Variants in IL2RA observed in about 807,000 individuals in gnomAD.
The protein encoded by IL2RA is interleukin-2 receptor subunit alpha.
A neutral mutation model predicts 37.8 loss-of-function variants in IL2RA; 24 were observed. The ratio of observed to expected loss-of-function variants is 0.63; its 90% CI spans 0.46 to 0.89. The LOEUF is 0.89. Ranked by LOEUF, IL2RA falls within the 40% of genes least tolerant of loss-of-function variation. The probability of loss-of-function intolerance (pLI) is 0.00; values close to 1 mark genes in which losing one functional copy is unlikely to be tolerated. For synonymous variants in IL2RA, 125 were observed against 114.6 expected, an observed-to-expected ratio of 1.09 and a Z score of -0.58; for missense variants, 319 against 348.6, an observed-to-expected ratio of 0.92 and a Z score of 0.68.
intron 1 of IL2RA, among the ~76,000 whole-genome samples, chr10:6,050,617 C>T (rs1839936726): frequency 6.6e-6 from 1 of 152,166 alleles, no homozygotes; most frequent in Non-Finnish European, 1.5e-5. Flanking sequence ...GCACTCCAGT[C>T]TGGGCAACAG....
Position 6,019,512 on chromosome 10 carries a change from G to C in IL2RA, c.656-13C>G. ...TGTATTTGAAAATCTGTGAAAAAGAGATAAAGAGAGACACTCCTGCTACCG... is the reference window on the plus strand; with the variant it reads ...TGTATTTGAAAATCTGTGAAAAAGACATAAAGAGAGACACTCCTGCTACCG... On this transcript the variant is annotated splice_polypyrimidine_tract_variant and intron_variant, in intron 5 of 7. Coordinates refer to ENST00000379959, the MANE Select transcript of IL2RA (RefSeq NM_000417.3). 1 of 1,592,634 alleles carries C rather than the reference G, an allele frequency of 6.3e-7. No homozygotes were observed. The highest frequency in any genetic ancestry group is 8.6e-7 in the Non-Finnish European group (1 of 1,160,378).
rs951838106 is a variant in IL2RA, at chr10:6,014,125, C to T, written c.795-1229G>A. The stretch of plus-strand genomic sequence containing the variant: ...GGAGCTACTGCTCCCAGCCTAAATA[C>T]TTTAATTTTCCATAATGGCTATGCT... On this transcript the variant is annotated intron_variant, in intron 7 of 7. Coordinates refer to ENST00000379959, the MANE Select transcript of IL2RA (RefSeq NM_000417.3). The surrounding 1 kb of genome is among the most constrained non-coding windows in gnomAD (Gnocchi z 4.4). 1.3e-5 allele frequency among the ~76,000 whole-genome samples: 2 copies of T among 152,154 alleles called. No individual in the cohort carries two copies. The highest frequency in any genetic ancestry group is 2.9e-5 in the Non-Finnish European group (2 of 68,038).
At chr10:6,041,765 A>G (rs1477711006) in intron 1 of IL2RA, among the ~76,000 whole-genome samples, 1 of 152,214 alleles carries the variant, frequency 6.6e-6, no homozygotes, top group African/African-American at 2.4e-5. Flanking sequence ...GCTGGAAAAC[A>G]CATTATATGC....
rs1839213593 is a variant in IL2RA, at chr10:6,012,960, A to T, written c.795-64T>A. The stretch of plus-strand genomic sequence containing the variant: ...ACGGCACCAAAAAAATGTGGTCCTC[A>T]CTCTAAACCAGTGCACACGCCACCA... On this transcript the variant is annotated intron_variant, in intron 7 of 7. Transcript: ENST00000379959. This position sits in a 1 kb window ranked among gnomAD's most constrained non-coding sequence, Gnocchi z 4.8. 2.0e-6 allele frequency: 3 copies of T among 1,512,384 alleles called. No homozygotes were observed. In the African/African-American group the frequency reaches 4.1e-5, roughly 21 times the overall value. The allele number at this position is 1,512,384 out of a possible 1,614,324, so 93.7% of individuals were successfully genotyped here.
In IL2RA at chr10:6,015,307, G is replaced by T. The variant is rs1361951580; in HGVS notation, c.795-2411C>A. Among the ~76,000 whole-genome samples the T allele has an allele frequency of 1.3e-5, 2 of 152,004 alleles. No individual in the cohort carries two copies. Among genetic ancestry groups the T allele is most frequent in the Non-Finnish European group, 2.9e-5 (2 of 68,012 alleles). Reference sequence around the variant, plus strand: ...AGGGTTTCTCCATGTTGGCCAGGCTGGTCTCAAACTCCTGACCTCAAGTAA... The same window carrying T: ...AGGGTTTCTCCATGTTGGCCAGGCTTGTCTCAAACTCCTGACCTCAAGTAA... On this transcript the variant is annotated intron_variant, in intron 7 of 7. Coordinates refer to ENST00000379959, the MANE Select transcript of IL2RA (RefSeq NM_000417.3). This position sits in a 1 kb window ranked among gnomAD's most constrained non-coding sequence, Gnocchi z 4.9.
Position 6,025,848 on chromosome 10 carries a change from T to C in IL2RA, c.242A>G (p.Gln81Arg), listed in dbSNP as rs762527969. The C allele has an allele frequency of 6.2e-7, 1 of 1,614,196 alleles. No homozygotes were observed. Among genetic ancestry groups the C allele is most frequent in the East Asian group, 2.2e-5 (1 of 44,888 alleles). ...GGGACACTTACCAGAGCTTGTGCAT[T>C]GACATTGGTTGTCCCAGGACGAGTG... ...SSHSSWDNQCQCTSSATRNTT... is the reference protein window; with the variant it reads ...SSHSSWDNQCRCTSSATRNTT... The change falls in exon 2 of 8, where the codon CAA becomes CGA. Residue 81 changes from glutamine (Q) to arginine (R), a missense_variant. Gln to Arg is a conservative substitution (Grantham distance 43, BLOSUM62 1). Transcript: ENST00000379959. The surrounding 1 kb of genome is among the most constrained non-coding windows in gnomAD (Gnocchi z 4.4).
intron 1 of IL2RA, among the ~76,000 whole-genome samples, chr10:6,050,358 A>T (rs925456430): frequency 6.6e-6 from 1 of 152,124 alleles, no homozygotes; most frequent in Non-Finnish European, 1.5e-5. Context: ...GAATGGTGGC[A>T]GGGCGTGGTG....
rs776627670 is a variant in IL2RA at position 6,025,922 on chromosome 10, G to A, written c.168C>T (p.Arg56=). 1.7e-5 allele frequency: 28 copies of A among 1,614,150 alleles called. No homozygotes were observed. The South Asian group carries it at 3.0e-4, about 17-fold the overall frequency. ...TATAGAGTGACCCGCTTTTTATTCT[G>A]CGGAAACCTCTCTTGCATTCACAGT... ...MLNCECKRGF[R]RIKSGSLYML... is the part of the protein sequence containing the mutation. Residue 56 remains arginine (R), a synonymous_variant, in exon 2 of 8, where the codon CGC becomes CGT. Coordinates refer to ENST00000379959, the MANE Select transcript of IL2RA (RefSeq NM_000417.3). This position sits in a 1 kb window ranked among gnomAD's most constrained non-coding sequence, Gnocchi z 4.4.
rs1464859479 is a variant in IL2RA, at chr10:6,012,211, A to G, written c.*661T>C. On this transcript the variant is annotated 3_prime_UTR_variant, in exon 8 of 8. Coordinates refer to ENST00000379959, the MANE Select transcript of IL2RA (RefSeq NM_000417.3). This position sits in a 1 kb window ranked among gnomAD's most constrained non-coding sequence, Gnocchi z 4.8. ...TGGCTGCCCCGTTTTGAAGTTACCC[A>G]AAGATTATTCTGCCATGGCCTCTGT... 2 of 152,792 alleles carry G rather than the reference A, an allele frequency of 1.3e-5. No individual in the cohort carries two copies. Among genetic ancestry groups the G allele is most frequent in the Non-Finnish European group, 2.9e-5 (2 of 68,402 alleles). The allele number at this position is 152,792 out of a possible 1,614,324, so 9.5% of individuals were successfully genotyped here.
chr10:6,058,989 G>T lies in IL2RA; in HGVS notation c.64+3099C>A, dbSNP rs552776422. Reference sequence around the variant, plus strand: ...TATGAATCAGCTAGAAATTGCATCTGTTGACAGTCTGATTTCATTAGAGAA... The same window carrying T: ...TATGAATCAGCTAGAAATTGCATCTTTTGACAGTCTGATTTCATTAGAGAA... On this transcript the variant is annotated intron_variant, in intron 1 of 7. Coordinates refer to ENST00000379959, the MANE Select transcript of IL2RA (RefSeq NM_000417.3). The surrounding 1 kb of genome is among the most constrained non-coding windows in gnomAD (Gnocchi z 4.2). Among the ~76,000 whole-genome samples, 1 of 152,332 alleles carries T rather than the reference G, an allele frequency of 6.6e-6. No individual in the cohort carries two copies. The highest frequency in any genetic ancestry group is 2.1e-4 in the South Asian group (1 of 4,830).
intron 1 of IL2RA, among the ~76,000 whole-genome samples, chr10:6,027,645 C>T (rs910259661): frequency 1.3e-5 from 2 of 152,168 alleles, no homozygotes; most frequent in Non-Finnish European, 2.9e-5. Context: ...AAATAATATA[C>T]TAAGGTAACT....
intron 1 of IL2RA, among the ~76,000 whole-genome samples, chr10:6,051,942 AC>A (rs1049235862): frequency 5.3e-5 from 8 of 149,630 alleles, no homozygotes; most frequent in Non-Finnish European, 7.4e-5. Flanking sequence ...GAAGTCACAG[AC>A]TTTTAGGATT....
Position 6,021,766 on chromosome 10 carries a change from T to C in IL2RA, c.368-73A>G. The C allele has an allele frequency of 8.5e-7, 1 of 1,182,100 alleles. No homozygotes were observed. Among genetic ancestry groups the C allele is most frequent in the Non-Finnish European group, 1.3e-6 (1 of 792,838 alleles). 73.2% of individuals were successfully genotyped at this position (1,182,100 alleles called of 1,614,324 possible). A position where few individuals can be genotyped will look rare whatever the true frequency, so the allele number is the denominator to read the frequency against. On this transcript the variant is annotated intron_variant, in intron 3 of 7. Transcript: ENST00000379959. This position sits in a 1 kb window ranked among gnomAD's most constrained non-coding sequence, Gnocchi z 4.9. ...CGAGTGAGTCCAGGTTGCCTCTTGC[T>C]AGGGACTGGACCTTGGTTCTTACTC... is the stretch of plus-strand genomic sequence containing the variant.
intron 7 of IL2RA, among the ~76,000 whole-genome samples, chr10:6,013,199 T>C (rs1385710283): frequency 1.3e-5 from 2 of 152,182 alleles, no homozygotes; most frequent in Non-Finnish European, 2.9e-5. Context: ...CTAAATGATG[T>C]GCATGCAGTA....
chr10:6,058,682 G>A lies in IL2RA; in HGVS notation c.64+3406C>T, dbSNP rs1329633424. ...TGGGTTTCCACACTGTTTTTTTAAA[G>A]AATTATTTTTGAGTCTAGAGGATAA... On this transcript the variant is annotated intron_variant, in intron 1 of 7. Coordinates refer to ENST00000379959, the MANE Select transcript of IL2RA (RefSeq NM_000417.3). The surrounding 1 kb of genome is among the most constrained non-coding windows in gnomAD (Gnocchi z 4.2). Among the ~76,000 whole-genome samples the A allele has an allele frequency of 6.6e-6, 1 of 152,148 alleles. No homozygotes were observed. Among genetic ancestry groups the A allele is most frequent in the African/African-American group, 2.4e-5 (1 of 41,432 alleles).
Position 6,028,990 on chromosome 10 carries a change from C to CA in IL2RA, c.65-2966dup, listed in dbSNP as rs34303304. On this transcript the variant is annotated intron_variant, in intron 1 of 7. Transcript: ENST00000379959. The surrounding 1 kb of genome is among the most constrained non-coding windows in gnomAD (Gnocchi z 4.1). The stretch of plus-strand genomic sequence containing the variant: ...TTACAGAGTGAGTGAGAGTCTGTCT[C>CA]AAAAAAAAAAAAAAAAGACCCCTAA... 0.034 allele frequency among the ~76,000 whole-genome samples: 3,727 copies of CA among 109,926 alleles called. 86 individuals are homozygous for CA. The highest frequency in any genetic ancestry group is 0.12 in the Middle Eastern group (23 of 186). 72.1% of individuals were successfully genotyped at this position (109,926 alleles called of 152,430 possible).
At position 6,033,339 on chromosome 10, in the gene IL2RA, A is replaced by G. The variant is rs1044851245; in HGVS notation, c.65-7314T>C. Among the ~76,000 whole-genome samples the G allele has an allele frequency of 3.9e-5, 6 of 152,182 alleles. No homozygotes were observed. The highest frequency in any genetic ancestry group is 8.8e-5 in the Non-Finnish European group (6 of 68,032). ...AACAACAACAAAAAAAAAACAAAAAAAGAAAGTATTTTTATTGACGTTAAA... is the reference window on the plus strand; with the variant it reads ...AACAACAACAAAAAAAAAACAAAAAGAGAAAGTATTTTTATTGACGTTAAA... On this transcript the variant is annotated intron_variant, in intron 1 of 7. Transcript: ENST00000379959. This position sits in a 1 kb window ranked among gnomAD's most constrained non-coding sequence, Gnocchi z 4.3.
Position 6,047,406 on chromosome 10 carries a change from G to A in IL2RA, c.64+14682C>T, listed in dbSNP as rs1256172496. 2.6e-5 allele frequency among the ~76,000 whole-genome samples: 4 copies of A among 152,338 alleles called. No individual in the cohort carries two copies. Among genetic ancestry groups the A allele is most frequent in the Non-Finnish European group, 5.9e-5 (4 of 68,038 alleles). ...CCTCAGAAGCCACGGCACCAGAGGAGAGCTCAGGAGTCAGCCTGCTCCAAA... is the reference window on the plus strand; with the variant it reads ...CCTCAGAAGCCACGGCACCAGAGGAAAGCTCAGGAGTCAGCCTGCTCCAAA... On this transcript the variant is annotated intron_variant, in intron 1 of 7. Transcript: ENST00000379959. This position sits in a 1 kb window ranked among gnomAD's most constrained non-coding sequence, Gnocchi z 5.0.
rs182209354 is a variant in IL2RA at position 6,035,299 on chromosome 10, G to A, written c.65-9274C>T. On this transcript the variant is annotated intron_variant, in intron 1 of 7. Coordinates refer to ENST00000379959, the MANE Select transcript of IL2RA (RefSeq NM_000417.3). This position sits in a 1 kb window ranked among gnomAD's most constrained non-coding sequence, Gnocchi z 5.4. ...TGTTTGCCCTGGGTCTCCCTGTGTGGGCAGGGATGGAGAGTGAGGGCCTGC... is the reference window on the plus strand; with the variant it reads ...TGTTTGCCCTGGGTCTCCCTGTGTGAGCAGGGATGGAGAGTGAGGGCCTGC... Among the ~76,000 whole-genome samples, 243 of 152,350 alleles carry A rather than the reference G, an allele frequency of 1.6e-3. 2 individuals carry two copies. The highest frequency in any genetic ancestry group is 5.6e-3 in the African/African-American group (232 of 41,584).
Sources: gnomAD v4.1 joint callset for allele counts (sites outside exome capture counted in the v4.1 genomes callset) on GRCh38, gnomAD v4.1.1 for gene constraint, Gnocchi (gnomAD v3.1) non-coding constraint, MANE v1.5 for transcripts, NCBI Gene and HGNC (gene_info 2026-07-23, HGNC 2026-07-21) for gene names.